Variants in PANK1 observed in about 807,000 individuals in gnomAD.
PANK1 encodes pantothenate kinase 1.
In PANK1, 18 loss-of-function variants were observed where a neutral mutation model predicts 40.1. The ratio of observed to expected loss-of-function variants is 0.45; its 90% CI spans 0.31 to 0.67. PANK1 has a LOEUF of 0.67. Ranked by LOEUF, PANK1 falls within the 30% of genes least tolerant of loss-of-function variation. The pLI is 0.06. For missense variants in PANK1, 457 were observed against 599.6 expected (o/e 0.76, Z 2.48); for synonymous variants, 242 against 237.7 (o/e 1.02, Z -0.17).
intron 1 of PANK1, chr10:89,625,734 A>T (rs1050469949): frequency 3.8e-5 from 3 of 78,174 alleles, no homozygotes; most frequent in Admixed American, 3.0e-4. Flanking sequence ...AGGTTAAGAT[A>T]AAAAAAAAGA....
At chr10:89,633,862 C>T (rs893994840) in intron 1 of PANK1, among the ~76,000 whole-genome samples, 2 of 152,112 alleles carry the variant, frequency 1.3e-5, no homozygotes, top group African/African-American at 4.8e-5. Flanking sequence ...TTATGACTAC[C>T]CCAAGAAGTC....
At chr10:89,599,136 G>T in intron 3 of PANK1, 116 bp downstream of exon 3, 3 of 895,416 alleles carry the variant, frequency 3.4e-6, no homozygotes, top group Non-Finnish European at 5.2e-6. Flanking sequence ...CTTTTTGGTT[G>T]GCCAAGGAGG....
chr10:89,645,164 A>G lies in PANK1; in HGVS notation c.-273T>C, dbSNP rs76972886. On this transcript the variant is annotated 5_prime_UTR_variant, in exon 1 of 7. Transcript: ENST00000307534. ...GAATCGGGGATCCCCGCGCACCCCC[A>G]GCCGGGGCTCCCGCCGCCCGCCTTC... 31,572 of 1,547,326 alleles carry G rather than the reference A, an allele frequency of 0.02. 1,522 individuals are homozygous for G. Among genetic ancestry groups the G allele is most frequent in the South Asian group, 0.15 (12,554 of 84,542 alleles).
chr10:89,607,351 A>T (rs1399394536), intron 2 of PANK1, among the ~76,000 whole-genome samples: 1 of 152,242 alleles, frequency 6.6e-6, no homozygotes, highest in Non-Finnish European at 1.5e-5. Flanking sequence ...TTATCAATTA[A>T]GTTTGCCATC....
At chr10:89,644,573 C>T in intron 1 of PANK1, 27 bp downstream of exon 1, 3 of 1,570,458 alleles carry the variant, frequency 1.9e-6, no homozygotes, top group Non-Finnish European at 1.7e-6. Flanking sequence ...TGCCTTGCGC[C>T]CGCGCTCCCC....
At chr10:89,600,116 C>T (rs1476254182) in intron 2 of PANK1, among the ~76,000 whole-genome samples, 3 of 152,280 alleles carry the variant, frequency 2.0e-5, no homozygotes, top group Admixed American at 1.3e-4. Context: ...TGAATTTGAA[C>T]CTCTGGCATT....
At chr10:89,606,598 A>T (rs888058246) in intron 2 of PANK1, among the ~76,000 whole-genome samples, 9 of 142,260 alleles carry the variant, frequency 6.3e-5, no homozygotes, top group African/African-American at 2.3e-4. Flanking sequence ...ATCATAGCTC[A>T]CTGCAACCTC....
chr10:89,613,916 C>T, intron 1 of PANK1: 1 of 454,676 alleles, frequency 2.2e-6, no homozygotes, highest in South Asian at 1.6e-5. Flanking sequence ...AAGTAGCTCA[C>T]TGTAGCTCCT....
At chr10:89,593,568 G>A (rs1490290465) in intron 4 of PANK1, among the ~76,000 whole-genome samples, 6 of 152,258 alleles carry the variant, frequency 3.9e-5, no homozygotes, top group African/African-American at 1.4e-4. Flanking sequence ...GGACAAGAAT[G>A]GAACAGGTGA....
chr10:89,645,166 C>A lies in PANK1; in HGVS notation c.-275G>T, dbSNP rs1030257965. 4 of 1,550,216 alleles carry A rather than the reference C, an allele frequency of 2.6e-6. No homozygotes were observed. The African/African-American group carries it at 4.3e-5, about 17-fold the overall frequency. ...ATCGGGGATCCCCGCGCACCCCCAG[C>A]CGGGGCTCCCGCCGCCCGCCTTCCC... On this transcript the variant is annotated 5_prime_UTR_variant, in exon 1 of 7. Transcript: ENST00000307534.
chr10:89,599,472 G>C lies in PANK1; in HGVS notation c.679C>G (p.Leu227Val). 1 of 1,613,816 alleles carries C rather than the reference G, an allele frequency of 6.2e-7. No individual in the cohort carries two copies. The highest frequency in any genetic ancestry group is 8.5e-7 in the Non-Finnish European group (1 of 1,179,718). ...AGCAGGCCCTGAATCAGACAGTCCA[G>C]TTCATCCAGTTTATGCAGCTGCAGG... ...ADLQLHKLDE[L>V]DCLIQGLLYV... The change falls in exon 3 of 7, where the codon CTG (leucine) becomes GTG (valine). Residue 227 changes from leucine to valine, a missense_variant. Physicochemically the swap from Leu to Val is conservative, Grantham distance 32. Coordinates refer to ENST00000307534, the MANE Select transcript of PANK1 (RefSeq NM_148977.3).
At position 89,584,420 on chromosome 10, in the gene PANK1, T is replaced by G. The variant is rs779743241; in HGVS notation, c.1372A>C (p.Thr458Pro). ...VGALLELFKM[T>P]DDK ...ACTGCTCGTCTCTACTTGTCATCAG[T>G]CATTTTGAACAGTTCCAACAGTGCC... Residue 458 changes from threonine (T) to proline (P), a missense_variant, in exon 7 of 7, where the codon ACT (threonine) becomes CCT (proline). Transcript: ENST00000307534. 2 of 1,605,142 alleles carry G rather than the reference T, an allele frequency of 1.2e-6. No individual in the cohort carries two copies. The highest frequency in any genetic ancestry group is 4.5e-5 in the East Asian group (2 of 44,832).
chr10:89,611,995 A>C lies in PANK1; in HGVS notation c.346T>G (p.Phe116Val), dbSNP rs752267110. 5.4e-5 allele frequency: 87 copies of C among 1,613,968 alleles called. No homozygotes were observed. Among genetic ancestry groups the C allele is most frequent in the Non-Finnish European group, 7.0e-5 (83 of 1,180,040 alleles). Residue 116 changes from phenylalanine (F) to valine (V), a missense_variant, in exon 2 of 7, where the codon TTC becomes GTC. Physicochemically the swap from Phe to Val is conservative, Grantham distance 50. Coordinates refer to ENST00000307534, the MANE Select transcript of PANK1 (RefSeq NM_148977.3). ...TCGGCTGTAATATCCTTCGGCTCGA[A>C]ATACACCAATTTAACCAGCGTTCCA... The part of the protein sequence containing the change: ...IGGTLVKLVY[F>V]EPKDITAEEE...
chr10:89,587,504 A>C (rs1038978550), intron 6 of PANK1, among the ~76,000 whole-genome samples: 2 of 152,234 alleles, frequency 1.3e-5, no homozygotes, highest in African/African-American at 4.8e-5. Flanking sequence ...AAAGAGAGAG[A>C]GAAAAACCTG....
chr10:89,633,743 C>T (rs1466335122), intron 1 of PANK1, among the ~76,000 whole-genome samples: 1 of 152,166 alleles, frequency 6.6e-6, no homozygotes, highest in Non-Finnish European at 1.5e-5. Flanking sequence ...GAGTCTAGCA[C>T]AGTGCCTAGC....
chr10:89,599,497 G>A lies in PANK1; in HGVS notation c.654C>T (p.Asp218=), dbSNP rs759007907. ...KFEEDFRMIA[D]LQLHKLDELD... The stretch of plus-strand genomic sequence containing the variant: ...GTTCATCCAGTTTATGCAGCTGCAG[G>A]TCAGCAATCTAAAACAAAACACACA... The change falls in exon 3 of 7, where the codon GAC becomes GAT. Residue 218 remains aspartate (D), a synonymous_variant. Coordinates refer to ENST00000307534, the MANE Select transcript of PANK1 (RefSeq NM_148977.3). 29 of 1,612,606 alleles carry A rather than the reference G, an allele frequency of 1.8e-5. No homozygotes were observed. Among genetic ancestry groups the A allele is most frequent in the Non-Finnish European group, 2.5e-5 (29 of 1,179,200 alleles).
At chr10:89,582,217 A>C (rs1844064519), downstream of PANK1, 1 of 152,180 alleles carries the variant, frequency 6.6e-6, no homozygotes, top group Admixed American at 6.5e-5. Context: ...GCCTCACGAT[A>C]AAAAGCCATG....
intron 1 of PANK1, among the ~76,000 whole-genome samples, chr10:89,628,653 T>A (rs1374114902): frequency 1.3e-5 from 2 of 152,230 alleles, no homozygotes; most frequent in African/African-American, 4.8e-5. Context: ...TCTAAATGGA[T>A]GAAATACATG....
chr10:89,599,756 G>T (rs1351267549), intron 2 of PANK1, among the ~76,000 whole-genome samples: 2 of 152,174 alleles, frequency 1.3e-5, no homozygotes, highest in African/African-American at 2.4e-5. Flanking sequence ...ACCCATCAGC[G>T]TGTGTTGTGG....
Sources: gnomAD v4.1 joint callset for allele counts (sites outside exome capture counted in the v4.1 genomes callset) on GRCh38, gnomAD v4.1.1 for gene constraint, MANE v1.5 for transcripts, NCBI Gene and HGNC (gene_info 2026-07-23, HGNC 2026-07-21) for gene names.